The following PTPN12 variants were observed in gnomAD, a reference collection of about 807,000 sequenced individuals.
PTPN12 encodes the protein tyrosine-protein phosphatase non-receptor type 12.
Under a neutral mutation model 97.6 loss-of-function variants are expected in PTPN12, and 29 were observed. That is an observed-to-expected ratio of 0.30 (90% CI 0.22 to 0.41). PTPN12 has a LOEUF of 0.41. Among genes scored for constraint, PTPN12 ranks in the 10% least tolerant of loss-of-function variants. PTPN12 has a pLI of 1.00. For missense variants in PTPN12, 819 were observed against 926.0 expected (o/e 0.88, Z 1.50); for synonymous variants, 327 against 300.4 (o/e 1.09, Z -0.91).
chr7:77,558,883 C>T (rs1807856608), intron 1 of PTPN12, among the ~76,000 whole-genome samples: 1 of 152,118 alleles, frequency 6.6e-6, no homozygotes, highest in African/African-American at 2.4e-5. Context: ...TCATGGTGTG[C>T]ACCTGTGTAG....
intron 1 of PTPN12, among the ~76,000 whole-genome samples, chr7:77,544,167 C>T (rs1412905523): frequency 2.6e-5 from 4 of 152,172 alleles, no homozygotes; most frequent in African/African-American, 4.8e-5. Context: ...ACATCTTCAC[C>T]GATACTTGTT....
chr7:77,614,374 T>C (rs1236760459), intron 11 of PTPN12, among the ~76,000 whole-genome samples: 1 of 152,194 alleles, frequency 6.6e-6, no homozygotes, highest in Admixed American at 6.6e-5. Context: ...TATCATAGGC[T>C]CTTTCTGTCT....
At chr7:77,626,463 G>A (rs1789183427) in intron 12 of PTPN12, among the ~76,000 whole-genome samples, 1 of 152,188 alleles carries the variant, frequency 6.6e-6, no homozygotes. Context: ...TGATGCCTCT[G>A]GCTAACAGGA....
At chr7:77,624,893 C>CG (rs768463378) in intron 12 of PTPN12, among the ~76,000 whole-genome samples, 3 of 151,392 alleles carry the variant, frequency 2.0e-5, no homozygotes, top group Admixed American at 1.3e-4. Context: ...CAGCACTTTG[C>CG]GGGGGCCGAG....
chr7:77,634,111 G>T (rs930866164), intron 14 of PTPN12, among the ~76,000 whole-genome samples: 3 of 151,890 alleles, frequency 2.0e-5, no homozygotes, highest in Non-Finnish European at 4.4e-5. Context: ...GAAGAAGAAG[G>T]ATTGCTTGAT....
In PTPN12 at chr7:77,537,562, A is replaced by G. The variant is rs781755636; in HGVS notation, c.16A>G (p.Ile6Val). The change falls in exon 1 of 18, where the codon ATC (isoleucine) becomes GTC (valine). Residue 6 changes from isoleucine (I) to valine (V), a missense_variant. Transcript: ENST00000248594. ...ACGCGGGAGGATGGAGCAAGTGGAG[A>G]TCCTGAGGAAATTCATCCAGAGGGT... MEQVE[I>V]LRKFIQRVQA... 3 of 1,598,390 alleles carry G rather than the reference A, an allele frequency of 1.9e-6. No individual in the cohort carries two copies. Among genetic ancestry groups the G allele is most frequent in the Non-Finnish European group, 2.6e-6 (3 of 1,174,106 alleles).
chr7:77,580,914 G>C (rs1787493375), intron 2 of PTPN12, among the ~76,000 whole-genome samples: 1 of 152,218 alleles, frequency 6.6e-6, no homozygotes, highest in South Asian at 2.1e-4. Context: ...TGCAGAGGCT[G>C]AAACCCTAGA....
intron 13 of PTPN12, among the ~76,000 whole-genome samples, 173 bp from the exon 14 acceptor site, chr7:77,632,175 T>A (rs1306474330): frequency 6.6e-6 from 1 of 152,216 alleles, no homozygotes; most frequent in East Asian, 1.9e-4. Flanking sequence ...TTATCTTTGC[T>A]CAATAAGCAT....
At chr7:77,589,339 T>C (rs1456006958) in intron 5 of PTPN12, among the ~76,000 whole-genome samples, 1 of 152,210 alleles carries the variant, frequency 6.6e-6, no homozygotes, top group Non-Finnish European at 1.5e-5. Flanking sequence ...GCTATTCTGG[T>C]ATCCTACAGC....
chr7:77,542,443 T>G (rs1258966473), intron 1 of PTPN12, among the ~76,000 whole-genome samples: 2 of 152,170 alleles, frequency 1.3e-5, no homozygotes, highest in Non-Finnish European at 2.9e-5. Context: ...GTCATTTGTG[T>G]TTTACAAAGT....
intron 2 of PTPN12, among the ~76,000 whole-genome samples, chr7:77,571,652 C>T (rs1187149418): frequency 6.6e-6 from 1 of 152,150 alleles, no homozygotes; most frequent in Non-Finnish European, 1.5e-5. Flanking sequence ...ATATGTGCCT[C>T]TAAGTATATG....
At chr7:77,550,546 C>T (rs1048416769) in intron 1 of PTPN12, among the ~76,000 whole-genome samples, 1 of 152,068 alleles carries the variant, frequency 6.6e-6, no homozygotes, top group Non-Finnish European at 1.5e-5. Flanking sequence ...ACATTATTAA[C>T]TGAAGAGTAA....
chr7:77,607,775 T>TA lies in PTPN12; in HGVS notation c.762+475dup, dbSNP rs1379127461. 3.3e-5 allele frequency among the ~76,000 whole-genome samples: 5 copies of TA among 151,364 alleles called. 1 individual carries two copies. Among genetic ancestry groups the TA allele is most frequent in the African/African-American group, 9.7e-5 (4 of 41,178 alleles). On this transcript the variant is annotated intron_variant, in intron 9 of 17. Transcript: ENST00000248594. Reference sequence around the variant, plus strand: ...TTTTTTTTTTCTTTTTTTTCCGAGATAGAGTTTCACTCTTGTTGCCCAGGC... The same window carrying TA: ...TTTTTTTTTTCTTTTTTTTCCGAGATAAGAGTTTCACTCTTGTTGCCCAGGC...
At chr7:77,545,625 T>A (rs1220275803) in intron 1 of PTPN12, 2 of 151,474 alleles carry the variant, frequency 1.3e-5, no homozygotes, top group South Asian at 2.1e-4. Context: ...TAGTTTTTTT[T>A]AATAATTAAA....
At chr7:77,638,822 A>G (rs1271548646) in intron 17 of PTPN12, 91 bp downstream of exon 17, 3 of 1,454,728 alleles carry the variant, frequency 2.1e-6, no homozygotes, top group Middle Eastern at 2.2e-4. Context: ...ACACTTGCCA[A>G]GAATAAAACA....
intron 1 of PTPN12, among the ~76,000 whole-genome samples, chr7:77,562,612 C>T (rs369138993): frequency 1.3e-5 from 2 of 151,908 alleles, no homozygotes; most frequent in African/African-American, 2.4e-5. Context: ...TTGGGATTGG[C>T]GGAACATCAG....
At chr7:77,596,251 T>C (rs1389930221) in intron 6 of PTPN12, among the ~76,000 whole-genome samples, 1 of 152,216 alleles carries the variant, frequency 6.6e-6, no homozygotes, top group African/African-American at 2.4e-5. Context: ...ATACAAATTT[T>C]TTTAATGAAT....
chr7:77,562,730 C>G (rs1193528108), intron 1 of PTPN12, among the ~76,000 whole-genome samples: 3 of 152,046 alleles, frequency 2.0e-5, no homozygotes, highest in Non-Finnish European at 4.4e-5. Context: ...CAAAAATAAT[C>G]AAACCTGGAA....
chr7:77,553,443 G>GT (rs934925934), intron 1 of PTPN12, among the ~76,000 whole-genome samples: 2 of 152,148 alleles, frequency 1.3e-5, no homozygotes, highest in Non-Finnish European at 2.9e-5. Context: ...AGTTCTATCA[G>GT]TTTTGGCTCA....
Sources: gnomAD v4.1 joint callset for allele counts (sites outside exome capture counted in the v4.1 genomes callset) on GRCh38, gnomAD v4.1.1 for gene constraint, MANE v1.5 for transcripts, NCBI Gene and HGNC (gene_info 2026-07-23, HGNC 2026-07-21) for gene names.